Variants in MICOS10 observed in about 807,000 individuals in gnomAD.
MICOS10 encodes mitochondrial contact site and cristae organizing system subunit 10.
Under a neutral mutation model 13.4 loss-of-function variants are expected in MICOS10, and 5 were observed. That is an observed-to-expected ratio of 0.37 (90% CI 0.20 to 0.78). The LOEUF (loss-of-function observed/expected upper bound fraction) is 0.78. Among genes scored for constraint, MICOS10 ranks in the 30% least tolerant of loss-of-function variants. The pLI is 0.47. For synonymous variants in MICOS10, 35 were observed against 33.6 expected, an observed-to-expected ratio of 1.04 and a Z score of -0.15; for missense variants, 101 against 94.6, an observed-to-expected ratio of 1.07 and a Z score of -0.28.
At chr1:19,619,437 T>C (rs1424189025) in intron 1 of MICOS10, among the ~76,000 whole-genome samples, 1 of 152,244 alleles carries the variant, frequency 6.6e-6, no homozygotes, top group Non-Finnish European at 1.5e-5. Context: ...TGTCCATAAC[T>C]GTAATGGACA....
At chr1:19,623,960 C>G (rs960033857) in intron 3 of MICOS10, among the ~76,000 whole-genome samples, 1 of 152,196 alleles carries the variant, frequency 6.6e-6, no homozygotes, top group Non-Finnish European at 1.5e-5. Context: ...CCAAAGACTT[C>G]CGGGACTCAG....
At position 19,623,471 on chromosome 1, in the gene MICOS10, T is replaced by C; in HGVS notation, c.113-3T>C. On this transcript the variant is annotated splice_polypyrimidine_tract_variant and splice_region_variant and intron_variant, in intron 2 of 3. Coordinates refer to ENST00000322753, the MANE Select transcript of MICOS10 (RefSeq NM_001032363.4). The stretch of plus-strand genomic sequence containing the variant: ...TTGGGATTTTCCCTTTTTTGCTCAC[T>C]AGGAAGAATGTGGCCATTAGCCTTC... 6.2e-7 allele frequency: 1 copy of C among 1,600,590 alleles called. No homozygotes were observed. Among genetic ancestry groups the C allele is most frequent in the Non-Finnish European group, 8.5e-7 (1 of 1,170,448 alleles).
At chr1:19,610,459 T>A (rs1626343) in intron 1 of MICOS10, among the ~76,000 whole-genome samples, 15,312 of 139,448 alleles carry the variant, frequency 0.11, 2,857 homozygotes, top group African/African-American at 0.38. Flanking sequence ...GCTCACTGCA[T>A]CTTCTGCCTC....
chr1:19,609,584 G>C (rs930834022), intron 1 of MICOS10, among the ~76,000 whole-genome samples: 1 of 152,234 alleles, frequency 6.6e-6, no homozygotes, highest in Non-Finnish European at 1.5e-5. Context: ...AAACAACTGA[G>C]ATATCCATCA....
intron 2 of MICOS10, 128 bp downstream of exon 2, chr1:19,622,275 G>A: frequency 4.9e-6 from 3 of 609,690 alleles, no homozygotes; most frequent in Non-Finnish European, 5.6e-6. Flanking sequence ...ATGGGGTTAG[G>A]TAGCCCATTA....
At chr1:19,598,731 C>G (rs72956122) in intron 1 of MICOS10, among the ~76,000 whole-genome samples, 1,806 of 152,066 alleles carry the variant, frequency 0.012, 36 homozygotes, top group African/African-American at 0.041. Flanking sequence ...TGGGTAAAGT[C>G]TCTTTCTCAA....
chr1:19,625,481 T>G (rs2094918740), intron 3 of MICOS10: 1 of 1,289,060 alleles, frequency 7.8e-7, no homozygotes, highest in African/African-American at 1.5e-5. Context: ...AAAGCAAGAG[T>G]GAGGTCATCA....
In MICOS10 at chr1:19,622,167, T is replaced by G; in HGVS notation, c.112+20T>G. 6 of 1,588,668 alleles carry G rather than the reference T, an allele frequency of 3.8e-6. No individual in the cohort carries two copies. The highest frequency in any genetic ancestry group is 4.3e-6 in the Non-Finnish European group (5 of 1,158,044). On this transcript the variant is annotated intron_variant, in intron 2 of 3. Coordinates refer to ENST00000322753, the MANE Select transcript of MICOS10 (RefSeq NM_001032363.4). ...TTAAAAGTAAGTGTCACTCTGTCTT[T>G]TCAACATAATGTCATAGTGTATACA... is the stretch of plus-strand genomic sequence containing the variant.
At chr1:19,608,275 C>G in intron 1 of MICOS10, 1 of 1,352,990 alleles carries the variant, frequency 7.4e-7, no homozygotes, top group Non-Finnish European at 1.1e-6. Flanking sequence ...AAACCATCTG[C>G]CGTGTGACTG....
intron 3 of MICOS10, among the ~76,000 whole-genome samples, chr1:19,626,161 C>T (rs1281212487): frequency 6.6e-6 from 1 of 152,192 alleles, no homozygotes; most frequent in Non-Finnish European, 1.5e-5. Flanking sequence ...GATGGTTTGG[C>T]CCTGTTCCAC....
At chr1:19,609,264 G>T (rs899171859) in intron 1 of MICOS10, among the ~76,000 whole-genome samples, 7 of 152,054 alleles carry the variant, frequency 4.6e-5, no homozygotes, top group African/African-American at 1.7e-4. Context: ...ATCAGTGGCT[G>T]TTAGGGAAAA....
At chr1:19,602,263 T>G (rs1441754348) in intron 1 of MICOS10, among the ~76,000 whole-genome samples, 3 of 152,214 alleles carry the variant, frequency 2.0e-5, no homozygotes. Context: ...CTGCCCATAT[T>G]TGCTTCTCAG....
intron 1 of MICOS10, 140 bp from the exon 2 acceptor site, chr1:19,621,960 G>T (rs1224431298): frequency 1.0e-5 from 7 of 677,788 alleles, no homozygotes; most frequent in Non-Finnish European, 1.8e-5. Context: ...AAATAAAGAC[G>T]GTTAGAAATT....
intron 1 of MICOS10, among the ~76,000 whole-genome samples, chr1:19,613,938 C>T (rs1472903002): frequency 6.6e-6 from 1 of 152,000 alleles, no homozygotes; most frequent in Non-Finnish European, 1.5e-5. Context: ...AAATGGAGCT[C>T]ATAAAATAAG....
At position 19,623,468 on chromosome 1, in the gene MICOS10, C is replaced by T. The variant is rs774238304; in HGVS notation, c.113-6C>T. 1.9e-6 allele frequency: 3 copies of T among 1,587,522 alleles called. No individual in the cohort carries two copies. The highest frequency in any genetic ancestry group is 2.6e-6 in the Non-Finnish European group (3 of 1,161,820). ...CTATTGGGATTTTCCCTTTTTTGCT[C>T]ACTAGGAAGAATGTGGCCATTAGCC... On this transcript the variant is annotated splice_polypyrimidine_tract_variant and splice_region_variant and intron_variant, in intron 2 of 3. Transcript: ENST00000322753.
rs758169139 is a variant in MICOS10, at chr1:19,608,125, A to C, written c.64+11016A>C. 3 of 1,126,014 alleles carry C rather than the reference A, an allele frequency of 2.7e-6. No homozygotes were observed. In the South Asian group the frequency reaches 3.7e-5, roughly 14 times the overall value. 69.8% of individuals were successfully genotyped at this position (1,126,014 alleles called of 1,614,324 possible). ...GACGACGTGCAGAAATGGCACCTGGAAAGGGGAAGGAAAAGAAGGAAGAAC... is the reference window on the plus strand; with the variant it reads ...GACGACGTGCAGAAATGGCACCTGGCAAGGGGAAGGAAAAGAAGGAAGAAC... On this transcript the variant is annotated intron_variant, in intron 1 of 3. Transcript: ENST00000322753.
intron 3 of MICOS10, chr1:19,623,788 C>T (rs560762107): frequency 3.6e-5 from 18 of 505,340 alleles, no homozygotes; most frequent in South Asian, 2.2e-4. Context: ...TGCGTATGTA[C>T]GTTCAGATAT....
chr1:19,607,751 C>T (rs985555350), intron 1 of MICOS10, among the ~76,000 whole-genome samples: 2 of 152,104 alleles, frequency 1.3e-5, no homozygotes, highest in African/African-American at 4.8e-5. Flanking sequence ...AAAATGTAAA[C>T]AATCCAAAAT....
chr1:19,606,404 C>G (rs1177275241), intron 1 of MICOS10, among the ~76,000 whole-genome samples: 2 of 152,154 alleles, frequency 1.3e-5, no homozygotes, highest in Non-Finnish European at 2.9e-5. Context: ...ATCATGCATT[C>G]ATCTTTATGA....
Sources: allele counts gnomAD v4.1 joint callset (sites outside exome capture counted in the v4.1 genomes callset), GRCh38; gene constraint gnomAD v4.1.1; transcripts MANE v1.5; gene names NCBI Gene and HGNC (gene_info 2026-07-23, HGNC 2026-07-21).